PRELID2: variants seen among roughly 807,000 people sequenced by gnomAD.
PRELID2 encodes the protein PRELI domain-containing protein 2.
Under a neutral mutation model 28.4 loss-of-function variants are expected in PRELID2, and 25 were observed. That is an observed-to-expected ratio of 0.88 (90% CI 0.64 to 1.23). The LOEUF (loss-of-function observed/expected upper bound fraction) is 1.23. Ranked by LOEUF, PRELID2 falls within the 50% of genes most tolerant of loss-of-function variation. The pLI is 0.00. For missense variants in PRELID2, 201 were observed against 214.4 expected, an observed-to-expected ratio of 0.94 and a Z score of 0.39; for synonymous variants, 76 against 71.6, an observed-to-expected ratio of 1.06 and a Z score of -0.31.
chr5:145,418,234 A>T, the PRELID2 span, among the ~76,000 whole-genome samples: 1 of 152,182 alleles, frequency 6.6e-6, no homozygotes. Context: ...CAAAGAAATA[A>T]GAAAGGACAT....
chr5:145,326,825 T>G, the PRELID2 span, among the ~76,000 whole-genome samples: 3 of 151,804 alleles, frequency 2.0e-5, no homozygotes, highest in African/African-American at 7.3e-5. Context: ...AAGCATTAAC[T>G]ATAAAAGAAA....
chr5:145,557,756 C>T (rs1752892837), intron 1 of PRELID2, among the ~76,000 whole-genome samples: 2 of 152,212 alleles, frequency 1.3e-5, no homozygotes, highest in Admixed American at 1.3e-4. Context: ...ACCAGTTTTA[C>T]AAACGAGAAA....
At chr5:145,269,876 G>T in the PRELID2 span, among the ~76,000 whole-genome samples, 1 of 147,300 alleles carries the variant, frequency 6.8e-6, no homozygotes, top group Non-Finnish European at 1.5e-5. Context: ...ACATATATAT[G>T]TATATATATA....
At chr5:145,353,813 A>T in the PRELID2 span, among the ~76,000 whole-genome samples, 1 of 152,168 alleles carries the variant, frequency 6.6e-6, no homozygotes, top group Non-Finnish European at 1.5e-5. Context: ...TTGAATGGGG[A>T]CACAGGCAAA....
chr5:145,668,235 G>A (rs956178), intron 1 of PRELID2, among the ~76,000 whole-genome samples: 11,479 of 151,932 alleles, frequency 0.076, 638 homozygotes, highest in Admixed American at 0.18. Flanking sequence ...AGACAGGGAG[G>A]CCACAGCCAA....
chr5:145,525,738 CA>C (rs1436031175), intron 1 of PRELID2, among the ~76,000 whole-genome samples: 2 of 151,916 alleles, frequency 1.3e-5, no homozygotes, highest in Admixed American at 6.6e-5. Context: ...GAATGTTTTT[CA>C]AAAAAACACA....
rs1037477070 is a variant in PRELID2 at position 145,835,206 on chromosome 5, C to T, written c.46G>A (p.Glu16Lys). The T allele has an allele frequency of 1.9e-6, 3 of 1,550,316 alleles. No homozygotes were observed. The highest frequency in any genetic ancestry group is 1.4e-5 in the African/African-American group (1 of 72,914). Reference sequence around the variant, plus strand: ...CGGAGAAAGCTGGCGACCACCTGCTCGAAGGGGTACTTGTACACCTGGTGC... The same window carrying T: ...CGGAGAAAGCTGGCGACCACCTGCTTGAAGGGGTACTTGTACACCTGGTGC... Reference protein sequence around the residue: ...DVHQVYKYPFEQVVASFLRKY... With the variant: ...DVHQVYKYPFKQVVASFLRKY... Residue 16 changes from glutamate (E) to lysine (K), a missense_variant, in exon 1 of 7, where the codon GAG becomes AAG. By Grantham distance (56) the Glu-to-Lys change is moderately conservative. Transcript: ENST00000683046.
chr5:145,291,531 C>T, the PRELID2 span, among the ~76,000 whole-genome samples: 2 of 151,976 alleles, frequency 1.3e-5, no homozygotes, highest in African/African-American at 4.8e-5. Context: ...TTTTGAACTG[C>T]TAGCCTCCAA....
chr5:145,335,536 G>C, the PRELID2 span, among the ~76,000 whole-genome samples: 1 of 152,032 alleles, frequency 6.6e-6, no homozygotes, highest in South Asian at 2.1e-4. Flanking sequence ...GTGTTTTTCT[G>C]TTTCCCTGAA....
At chr5:145,294,604 CA>C in the PRELID2 span, among the ~76,000 whole-genome samples, 14,558 of 152,094 alleles carry the variant, frequency 0.096, 1,039 homozygotes, top group African/African-American at 0.21. Flanking sequence ...TTTTATTGGA[CA>C]CCCGCTAAAG....
intron 1 of PRELID2, among the ~76,000 whole-genome samples, chr5:145,585,829 G>C (rs1379105796): frequency 6.6e-6 from 1 of 151,986 alleles, no homozygotes; most frequent in African/African-American, 2.4e-5. Flanking sequence ...CAGCCTGGGG[G>C]CCAGAGATAC....
chr5:145,730,698 A>G (rs1056365775), intron 1 of PRELID2, among the ~76,000 whole-genome samples: 1 of 152,202 alleles, frequency 6.6e-6, no homozygotes, highest in African/African-American at 2.4e-5. Context: ...AATAAAAAAA[A>G]AACTGCCTAA....
intron 1 of PRELID2, among the ~76,000 whole-genome samples, chr5:145,700,687 C>A (rs1019303018): frequency 9.2e-5 from 14 of 152,194 alleles, no homozygotes; most frequent in African/African-American, 3.1e-4. Flanking sequence ...ACCAGCCACG[C>A]TCCCTCTATG....
intron 1 of PRELID2, among the ~76,000 whole-genome samples, chr5:145,563,539 A>T (rs1752941183): frequency 6.6e-6 from 1 of 152,184 alleles, no homozygotes; most frequent in Admixed American, 6.5e-5. Flanking sequence ...TCCAGAGAGG[A>T]GTATGAAGTT....
At chr5:145,373,342 TACA>T in the PRELID2 span, among the ~76,000 whole-genome samples, 4 of 101,250 alleles carry the variant, frequency 4.0e-5, 1 homozygote, top group African/African-American at 1.5e-4. Context: ...CGATATATAT[TACA>T]ACATATATAA....
At chr5:145,469,761 G>A (rs527358610), downstream of PRELID2, among the ~76,000 whole-genome samples, 1 of 152,016 alleles carries the variant, frequency 6.6e-6, no homozygotes, top group African/African-American at 2.4e-5. Context: ...CCTCTGGCTC[G>A]ATCAAAGAAG....
At chr5:145,734,614 G>T (rs1036160658) in intron 1 of PRELID2, among the ~76,000 whole-genome samples, 2 of 152,096 alleles carry the variant, frequency 1.3e-5, no homozygotes, top group Non-Finnish European at 2.9e-5. Flanking sequence ...AAAAAATTGA[G>T]ATTACTCACT....
intron 1 of PRELID2, among the ~76,000 whole-genome samples, chr5:145,735,830 A>G (rs541138801): frequency 5.3e-5 from 8 of 152,334 alleles, no homozygotes; most frequent in African/African-American, 1.9e-4. Flanking sequence ...CACCCTCTAC[A>G]GATGTAAGGG....
intron 1 of PRELID2, among the ~76,000 whole-genome samples, chr5:145,534,490 CA>C (rs1752682708): frequency 6.6e-6 from 1 of 151,960 alleles, no homozygotes; most frequent in African/African-American, 2.4e-5. Flanking sequence ...AACTTTCCAA[CA>C]GAGCATACTT....
Sources: allele counts gnomAD v4.1 joint callset (sites outside exome capture counted in the v4.1 genomes callset), GRCh38; gene constraint gnomAD v4.1.1; transcripts MANE v1.5; gene names NCBI Gene and HGNC (gene_info 2026-07-23, HGNC 2026-07-21).